B4GALT5: variants seen among roughly 807,000 people sequenced by gnomAD.
B4GALT5 encodes the protein beta-1,4-galactosyltransferase 5.
B4GALT5 carries 11 observed loss-of-function variants against 45.0 expected under a neutral mutation model. The observed-to-expected ratio is 0.24, with a 90% CI of 0.15 to 0.40. B4GALT5 has a LOEUF of 0.40. Among genes scored for constraint, B4GALT5 ranks in the 10% least tolerant of loss-of-function variants. The probability of loss-of-function intolerance (pLI) is 1.00; values close to 1 mark genes in which losing one functional copy is unlikely to be tolerated. For missense variants in B4GALT5, 337 were observed against 500.2 expected (o/e 0.67, Z 3.11); for synonymous variants, 185 against 182.9 (o/e 1.01, Z -0.09).
At chr20:49,686,759 T>C (rs1293836102) in intron 1 of B4GALT5, among the ~76,000 whole-genome samples, 1 of 128,842 alleles carries the variant, frequency 7.8e-6, no homozygotes, top group African/African-American at 3.0e-5. Flanking sequence ...AAAAGCCAAG[T>C]GTGGTGGTGC....
At chr20:49,672,428 T>C (rs956078389) in intron 1 of B4GALT5, among the ~76,000 whole-genome samples, 3 of 152,274 alleles carry the variant, frequency 2.0e-5, no homozygotes, top group East Asian at 3.9e-4. Flanking sequence ...CCTTAACACC[T>C]TGTGGGTAAT....
intron 1 of B4GALT5, among the ~76,000 whole-genome samples, chr20:49,688,210 A>T (rs1315211193): frequency 6.6e-6 from 1 of 152,226 alleles, no homozygotes; most frequent in Non-Finnish European, 1.5e-5. Context: ...TACCCTGAAG[A>T]CATTTTACAA....
intron 4 of B4GALT5, 105 bp downstream of exon 4, chr20:49,643,421 A>G: frequency 7.0e-7 from 1 of 1,436,264 alleles, no homozygotes; most frequent in Non-Finnish European, 9.5e-7. Flanking sequence ...GAATGGTAGG[A>G]TGAAAATGAC....
intron 1 of B4GALT5, among the ~76,000 whole-genome samples, chr20:49,706,376 C>T (rs1033253824): frequency 4.6e-5 from 7 of 152,096 alleles, no homozygotes; most frequent in African/African-American, 1.7e-4. Flanking sequence ...TCTTTTCAAC[C>T]ACATTGTATG....
At chr20:49,665,151 C>T (rs2146341260) in intron 1 of B4GALT5, among the ~76,000 whole-genome samples, 1 of 152,128 alleles carries the variant, frequency 6.6e-6, no homozygotes, top group African/African-American at 2.4e-5. Context: ...GGCACAGTGG[C>T]TCATGCCTGT....
chr20:49,711,434 GAT>G (rs1568738508), intron 1 of B4GALT5, among the ~76,000 whole-genome samples: 3 of 152,150 alleles, frequency 2.0e-5, no homozygotes, highest in Admixed American at 6.5e-5. Context: ...ATCCCAGTGG[GAT>G]ATAGTTTTCC....
chr20:49,684,520 G>A lies in B4GALT5; in HGVS notation c.116-27818C>T, dbSNP rs752551195. On this transcript the variant is annotated intron_variant, in intron 1 of 8. Coordinates refer to ENST00000371711, the MANE Select transcript of B4GALT5 (RefSeq NM_004776.4). ...AGAGCTTGCAGTGAGCCAAGGTTGC[G>A]CCACTGCACTCCAGCCTGGGCGATA... is the stretch of plus-strand genomic sequence containing the variant. 53 of 507,362 alleles carry A rather than the reference G, an allele frequency of 1.0e-4. No homozygotes were observed. In the Middle Eastern group the frequency reaches 1.9e-3, roughly 18 times the overall value. The allele number at this position is 507,362 out of a possible 1,614,324, so 31.4% of individuals were successfully genotyped here. A position where few individuals can be genotyped will look rare whatever the true frequency, so the allele number is the denominator to read the frequency against.
intron 1 of B4GALT5, among the ~76,000 whole-genome samples, chr20:49,674,820 C>T (rs1356237740): frequency 7.9e-5 from 12 of 152,040 alleles, no homozygotes; most frequent in Admixed American, 1.3e-4. Flanking sequence ...GGCTTTCCAC[C>T]ACTTTCAAGG....
chr20:49,636,266 T>C lies in B4GALT5; in HGVS notation c.*46A>G, dbSNP rs780983500. ...CCTCCAAAAAAAAATCTCATCGGAC[T>C]GCTTTCTTGGTGGCGGTGGGTAAAG... On this transcript the variant is annotated 3_prime_UTR_variant, in exon 9 of 9. Coordinates refer to ENST00000371711, the MANE Select transcript of B4GALT5 (RefSeq NM_004776.4). 1.2e-6 allele frequency: 2 copies of C among 1,606,242 alleles called. No individual in the cohort carries two copies. The highest frequency in any genetic ancestry group is 1.1e-5 in the South Asian group (1 of 90,700).
chr20:49,676,958 T>C (rs187392790), intron 1 of B4GALT5, among the ~76,000 whole-genome samples: 8 of 152,370 alleles, frequency 5.3e-5, no homozygotes, highest in African/African-American at 1.4e-4. Flanking sequence ...AATTATGGGA[T>C]TGGAACATTA....
chr20:49,690,068 A>G (rs2085803801), intron 1 of B4GALT5, among the ~76,000 whole-genome samples: 1 of 152,092 alleles, frequency 6.6e-6, no homozygotes, highest in Admixed American at 6.5e-5. Flanking sequence ...CAGTGGCATG[A>G]TCTCAGCTTT....
At chr20:49,686,906 GA>G (rs1157216778) in intron 1 of B4GALT5, among the ~76,000 whole-genome samples, 5 of 144,294 alleles carry the variant, frequency 3.5e-5, no homozygotes, top group Admixed American at 6.9e-5. Context: ...CTTTACCAAA[GA>G]AAAAAAAAAG....
intron 1 of B4GALT5, among the ~76,000 whole-genome samples, chr20:49,698,330 T>G (rs1292293996): frequency 6.6e-6 from 1 of 150,720 alleles, no homozygotes; most frequent in African/African-American, 2.4e-5. Flanking sequence ...CTCAAAAAAA[T>G]AAAAAAAGAA....
intron 1 of B4GALT5, among the ~76,000 whole-genome samples, chr20:49,703,675 G>A (rs1266146604): frequency 6.6e-6 from 1 of 151,662 alleles, no homozygotes; most frequent in Non-Finnish European, 1.5e-5. Context: ...GATCACCTGA[G>A]GTCAGGAGTT....
intron 1 of B4GALT5, among the ~76,000 whole-genome samples, chr20:49,689,981 T>G (rs1235358523): frequency 6.6e-6 from 1 of 152,166 alleles, no homozygotes; most frequent in Non-Finnish European, 1.5e-5. Context: ...TAGGCATACA[T>G]AGCACAAGTG....
intron 1 of B4GALT5, among the ~76,000 whole-genome samples, chr20:49,690,557 A>G (rs1207462418): frequency 6.6e-6 from 1 of 151,784 alleles, no homozygotes; most frequent in African/African-American, 2.4e-5. Context: ...CTCAAAAAAA[A>G]AAAGGGGGGG....
intron 3 of B4GALT5, among the ~76,000 whole-genome samples, chr20:49,645,296 A>C (rs2085594334): frequency 6.6e-6 from 1 of 152,244 alleles, no homozygotes; most frequent in Non-Finnish European, 1.5e-5. Flanking sequence ...CATTTTCACC[A>C]GTGACGGATG....
chr20:49,655,903 G>C (rs1207892934), intron 2 of B4GALT5, among the ~76,000 whole-genome samples: 1 of 145,628 alleles, frequency 6.9e-6, no homozygotes, highest in African/African-American at 2.6e-5. Flanking sequence ...ATGCCAGCCT[G>C]GATGACAGGA....
chr20:49,709,704 G>A (rs2085899715), intron 1 of B4GALT5, among the ~76,000 whole-genome samples: 1 of 151,946 alleles, frequency 6.6e-6, no homozygotes, highest in Non-Finnish European at 1.5e-5. Context: ...GGGGGGCAGA[G>A]GTTGCAGTGA....
Sources: gnomAD v4.1 joint callset for allele counts (sites outside exome capture counted in the v4.1 genomes callset) on GRCh38, gnomAD v4.1.1 for gene constraint, MANE v1.5 for transcripts, NCBI Gene and HGNC (gene_info 2026-07-23, HGNC 2026-07-21) for gene names.